PIGU: variants seen among roughly 807,000 people sequenced by gnomAD.
PIGU encodes the protein phosphatidylinositol glycan anchor biosynthesis class U.
Under a neutral mutation model 49.9 loss-of-function variants are expected in PIGU, and 24 were observed. The ratio of observed to expected loss-of-function variants is 0.48; its 90% confidence interval spans 0.35 to 0.68. The LOEUF is 0.68. PIGU is among the 30% of genes least tolerant of loss of function. The pLI is 0.01. For missense variants in PIGU, 490 were observed against 532.6 expected, an observed-to-expected ratio of 0.92 and a Z score of 0.79; for synonymous variants, 220 against 205.7, an observed-to-expected ratio of 1.07 and a Z score of -0.59.
rs770802359 is a variant in PIGU, at chr20:34,585,446, A to G, written c.917T>C (p.Ile306Thr). ...NVFFYTIPLAIKLKEHPIFFM... is the reference protein window; with the variant it reads ...NVFFYTIPLATKLKEHPIFFM... ...AGGTCCAGCCACTTACTTTAGCTTT[A>G]TGGCTAAGGGGATGGTGTAGAAGAA... Residue 306 changes from isoleucine to threonine, a missense_variant, in exon 9 of 12, where the codon ATA (isoleucine) becomes ACA (threonine). Ile to Thr is a moderately conservative substitution (Grantham distance 89, BLOSUM62 -1). Coordinates refer to ENST00000217446, the MANE Select transcript of PIGU (RefSeq NM_080476.5). The G allele has an allele frequency of 1.2e-6, 2 of 1,614,126 alleles. No homozygotes were observed. The highest frequency in any genetic ancestry group is 2.2e-5 in the South Asian group (2 of 91,086).
chr20:34,561,071 G>T, intron 11 of PIGU, 92 bp from the exon 12 acceptor site: 1 of 845,764 alleles, frequency 1.2e-6, no homozygotes, highest in South Asian at 1.7e-5. Flanking sequence ...TGGAAGACAG[G>T]AACGCCCCTG....
chr20:34,607,843 T>C (rs1457834125), intron 7 of PIGU, among the ~76,000 whole-genome samples: 1 of 152,160 alleles, frequency 6.6e-6, no homozygotes, highest in Non-Finnish European at 1.5e-5. Context: ...CTTAAACTCC[T>C]GGGATCAAGT....
At chr20:34,662,974 C>T (rs770503473) in intron 1 of PIGU, among the ~76,000 whole-genome samples, 1 of 152,082 alleles carries the variant, frequency 6.6e-6, no homozygotes, top group Non-Finnish European at 1.5e-5. Context: ...GAATTACAAA[C>T]GTGGCTCACT....
chr20:34,623,105 A>C (rs1985309374), intron 6 of PIGU, among the ~76,000 whole-genome samples: 1 of 152,152 alleles, frequency 6.6e-6, no homozygotes. Context: ...GGTTCAGGAC[A>C]GGGACTTCAA....
At chr20:34,564,966 C>T (rs1055253692) in intron 11 of PIGU, among the ~76,000 whole-genome samples, 2 of 152,232 alleles carry the variant, frequency 1.3e-5, no homozygotes, top group Non-Finnish European at 2.9e-5. Context: ...CTGGCCCTTT[C>T]AGAGGGAAGC....
At chr20:34,603,313 C>G (rs1049022913) in intron 7 of PIGU, among the ~76,000 whole-genome samples, 3 of 152,050 alleles carry the variant, frequency 2.0e-5, no homozygotes, top group African/African-American at 7.2e-5. Flanking sequence ...TAAAATGATG[C>G]TATCCTATCA....
At chr20:34,658,604 C>T (rs747754218) in intron 1 of PIGU, among the ~76,000 whole-genome samples, 198 of 151,880 alleles carry the variant, frequency 1.3e-3, no homozygotes, top group Non-Finnish European at 2.5e-3. Context: ...TCTGCCCCAC[C>T]GCCCCGTCTG....
intron 6 of PIGU, among the ~76,000 whole-genome samples, chr20:34,630,645 A>T (rs977176189): frequency 1.3e-5 from 2 of 151,714 alleles, no homozygotes; most frequent in East Asian, 1.9e-4. Flanking sequence ...TTCATTTAAA[A>T]TTTTTTTTTA....
chr20:34,649,445 A>AT, intron 2 of PIGU, among the ~76,000 whole-genome samples: 1 of 136,852 alleles, frequency 7.3e-6, no homozygotes, highest in South Asian at 2.3e-4. Context: ...GAATCTAGGT[A>AT]TTTTCAACAG....
intron 1 of PIGU, among the ~76,000 whole-genome samples, chr20:34,672,993 G>T (rs544618190): frequency 6.6e-6 from 1 of 151,840 alleles, no homozygotes; most frequent in African/African-American, 2.4e-5. Flanking sequence ...GGTGGCTCAC[G>T]CCTGTCATCC....
chr20:34,601,669 T>C (rs1182801969), intron 7 of PIGU, among the ~76,000 whole-genome samples: 1 of 152,182 alleles, frequency 6.6e-6, no homozygotes, highest in African/African-American at 2.4e-5. Flanking sequence ...AACCTACCAC[T>C]GTCTCACCAA....
intron 1 of PIGU, among the ~76,000 whole-genome samples, chr20:34,673,884 G>C (rs559127398): frequency 6.6e-6 from 1 of 151,690 alleles, no homozygotes; most frequent in Non-Finnish European, 1.5e-5. Context: ...GAAACCTCGT[G>C]TCTACTAAAA....
At chr20:34,637,596 A>G (rs751880270) in intron 5 of PIGU, among the ~76,000 whole-genome samples, 11 of 152,248 alleles carry the variant, frequency 7.2e-5, no homozygotes, top group South Asian at 2.1e-4. Context: ...AACACTGGTT[A>G]TAAGTAGGCT....
chr20:34,564,590 C>T (rs966608378), intron 11 of PIGU, among the ~76,000 whole-genome samples: 2 of 152,186 alleles, frequency 1.3e-5, no homozygotes, highest in South Asian at 4.1e-4. Context: ...GGCAAATGTA[C>T]ACAAAAGATT....
Position 34,579,612 on chromosome 20 carries a change from C to T in PIGU, c.1051+1936G>A, listed in dbSNP as rs537238206. ...AAGCCCCAAGCAGGTTCTCCAAGCA[C>T]GTGTACTCCCTGCTGCAGGAGCAGT... On this transcript the variant is annotated intron_variant, in intron 10 of 11. Transcript: ENST00000217446. 1.8e-4 allele frequency among the ~76,000 whole-genome samples: 27 copies of T among 152,298 alleles called. 1 individual carries two copies. Among genetic ancestry groups the T allele is most frequent in the African/African-American group, 4.8e-4 (20 of 41,552 alleles).
At position 34,602,681 on chromosome 20, in the gene PIGU, T is replaced by G. The variant is rs116836147; in HGVS notation, c.627+13361A>C. 1.8e-3 allele frequency among the ~76,000 whole-genome samples: 277 copies of G among 152,340 alleles called. 1 individual carries two copies. The highest frequency in any genetic ancestry group is 6.6e-3 in the African/African-American group (273 of 41,576). Reference sequence around the variant, plus strand: ...GATGCCCTAAAAACTCTATCAATTTTTTAAACCATTTTATTACAAACACAA... The same window carrying G: ...GATGCCCTAAAAACTCTATCAATTTGTTAAACCATTTTATTACAAACACAA... On this transcript the variant is annotated intron_variant, in intron 7 of 11. Transcript: ENST00000217446.
chr20:34,579,637 TG>T (rs1253238071), intron 10 of PIGU, among the ~76,000 whole-genome samples: 1 of 152,136 alleles, frequency 6.6e-6, no homozygotes, highest in African/African-American at 2.4e-5. Flanking sequence ...GCAGGAGCAG[TG>T]AAGCAAAGGT....
intron 10 of PIGU, among the ~76,000 whole-genome samples, chr20:34,579,849 A>G (rs1314491554): frequency 6.6e-6 from 1 of 152,230 alleles, no homozygotes; most frequent in South Asian, 2.1e-4. Flanking sequence ...CTGGCTACCA[A>G]GCCCGAAGCT....
At chr20:34,624,103 G>T (rs561158212) in intron 6 of PIGU, among the ~76,000 whole-genome samples, 7 of 151,772 alleles carry the variant, frequency 4.6e-5, no homozygotes, top group South Asian at 2.1e-4. Context: ...TTTTTACATG[G>T]TCTCACTCTG....
Sources: gnomAD v4.1 joint callset for allele counts (sites outside exome capture counted in the v4.1 genomes callset) on GRCh38, gnomAD v4.1.1 for gene constraint, MANE v1.5 for transcripts, NCBI Gene and HGNC (gene_info 2026-07-23, HGNC 2026-07-21) for gene names.